The following EFR3B variants were observed in gnomAD, a reference collection of about 807,000 sequenced individuals.
EFR3B encodes the protein protein EFR3 homolog B.
In EFR3B, 64 loss-of-function variants were observed where a neutral mutation model predicts 104.7. The ratio of observed to expected loss-of-function variants is 0.61; its 90% CI spans 0.50 to 0.75. The LOEUF (loss-of-function observed/expected upper bound fraction) is 0.75. EFR3B is among the 30% of genes least tolerant of loss of function. EFR3B has a pLI of 0.00. For missense variants in EFR3B, 750 were observed against 1,078.5 expected, an observed-to-expected ratio of 0.70 and a Z score of 4.27; for synonymous variants, 385 against 417.9, an observed-to-expected ratio of 0.92 and a Z score of 0.96.
Position 25,131,847 on chromosome 2 carries a change from C to T in EFR3B, c.1083C>T (p.Leu361=), listed in dbSNP as rs1306799234. The change falls in exon 10 of 23, where the codon CTC becomes CTT. Residue 361 remains leucine (L), a synonymous_variant. Transcript: ENST00000403714. The surrounding 1 kb of genome is among the most constrained non-coding windows in gnomAD (Gnocchi z 7.6). Reference sequence around the variant, plus strand: ...GGAGCTACGACGGGGCGGTCAGCCTCGGCACCAAGATCATCAAGGAGCACG... The same window carrying T: ...GGAGCTACGACGGGGCGGTCAGCCTTGGCACCAAGATCATCAAGGAGCACG... ...LTGSYDGAVS[L]GTKIIKEHEE... is the part of the protein sequence containing the mutation. 3.9e-6 allele frequency: 6 copies of T among 1,549,278 alleles called. No individual in the cohort carries two copies. The highest frequency in any genetic ancestry group is 8.7e-7 in the Non-Finnish European group (1 of 1,146,376).
At chr2:25,128,567 C>T (rs1455812613) in intron 6 of EFR3B, among the ~76,000 whole-genome samples, 5 of 152,154 alleles carry the variant, frequency 3.3e-5, no homozygotes, top group Non-Finnish European at 5.9e-5. Context: ...AGTGTTGGTG[C>T]TGGGCTCCCT....
chr2:25,092,995 T>G lies in EFR3B; in HGVS notation c.85-8T>G. 1 of 1,543,438 alleles carries G rather than the reference T, an allele frequency of 6.5e-7. No homozygotes were observed. Among genetic ancestry groups the G allele is most frequent in the South Asian group, 1.2e-5 (1 of 84,058 alleles). On this transcript the variant is annotated splice_region_variant and splice_polypyrimidine_tract_variant and intron_variant, in intron 2 of 22. Transcript: ENST00000403714. ...GCCATAGTGAGCACAAGCTGTTTTC[T>G]CCTACAGGATGGTCTGGTGAAGACC...
In EFR3B at chr2:25,154,631, C is replaced by T. The variant is rs927992205; in HGVS notation, c.*291C>T. 10 of 350,932 alleles carry T rather than the reference C, an allele frequency of 2.8e-5. No individual in the cohort carries two copies. The highest frequency in any genetic ancestry group is 1.1e-4 in the East Asian group (2 of 18,698). The allele number at this position is 350,932 out of a possible 1,614,324, so 21.7% of individuals were successfully genotyped here. ...TCATGGGGTGTCTCTCAGGAGAAGC[C>T]GGGGGGAGGGGGCTGAGAAGCTCCT... On this transcript the variant is annotated 3_prime_UTR_variant, in exon 23 of 23. Transcript: ENST00000403714. The surrounding 1 kb of genome is among the most constrained non-coding windows in gnomAD (Gnocchi z 4.1).
At chr2:25,118,726 CAAAAAAAAAAAAAAAAAAAAAAA>C (rs869026900) in intron 4 of EFR3B, among the ~76,000 whole-genome samples, 3 of 33,542 alleles carry the variant, frequency 8.9e-5, no homozygotes, top group African/African-American at 3.9e-4. Flanking sequence ...CCTGTCTCTA[CAAAAAAAAAAAAAAAAAAAAAAA>C]AAAAAAAAAG....
At chr2:25,088,651 C>G (rs1393334297) in intron 1 of EFR3B, among the ~76,000 whole-genome samples, 1 of 152,106 alleles carries the variant, frequency 6.6e-6, no homozygotes, top group African/African-American at 2.4e-5. Flanking sequence ...TGGACTGGCT[C>G]TGGTCTTCTA....
chr2:25,088,576 G>A (rs569091948), intron 1 of EFR3B, among the ~76,000 whole-genome samples: 5 of 152,200 alleles, frequency 3.3e-5, no homozygotes, highest in South Asian at 2.1e-4. Context: ...AGAAAGGGGC[G>A]GGCAGCTTCC....
rs996527631 is a variant in EFR3B, at chr2:25,155,849, C to T, written c.*1509C>T. 5.3e-5 allele frequency: 8 copies of T among 151,962 alleles called. No individual in the cohort carries two copies. Among genetic ancestry groups the T allele is most frequent in the South Asian group, 2.1e-4 (1 of 4,818 alleles). 9.4% of individuals were successfully genotyped at this position (151,962 alleles called of 1,614,324 possible). ...GTAGATTTCTTGATCCAAAGGAATC[C>T]GTTTTTAATTTTTTTTTTTTTCTAG... is the stretch of plus-strand genomic sequence containing the variant. On this transcript the variant is annotated 3_prime_UTR_variant, in exon 23 of 23. Coordinates refer to ENST00000403714, the MANE Select transcript of EFR3B (RefSeq NM_014971.2).
chr2:25,153,633 C>T, intron 21 of EFR3B, 79 bp from the exon 22 acceptor site: 1 of 1,459,086 alleles, frequency 6.9e-7, no homozygotes, highest in South Asian at 1.2e-5. Context: ...CCAGCGTATA[C>T]TCTGGACACC....
intron 20 of EFR3B, among the ~76,000 whole-genome samples, chr2:25,149,949 G>A (rs1670954662): frequency 1.3e-5 from 2 of 152,212 alleles, no homozygotes; most frequent in African/African-American, 2.4e-5. Flanking sequence ...GGTCAGTAGT[G>A]AGGCCCTGTG....
At chr2:25,093,364 C>T (rs1669189205) in intron 3 of EFR3B, among the ~76,000 whole-genome samples, 1 of 151,966 alleles carries the variant, frequency 6.6e-6, no homozygotes, top group Admixed American at 6.6e-5. Flanking sequence ...TGTGGTGGTG[C>T]ACACCTGTAG....
In EFR3B at chr2:25,073,097, C is replaced by T. The variant is rs534610655; in HGVS notation, c.8-18228C>T. The stretch of plus-strand genomic sequence containing the variant: ...TGGAATTTGAAGCATACATTCACAA[C>T]GATAGTTATGATGACAATTCAACAC... On this transcript the variant is annotated intron_variant, in intron 1 of 22. Coordinates refer to ENST00000403714, the MANE Select transcript of EFR3B (RefSeq NM_014971.2). Among the ~76,000 whole-genome samples, 6 of 152,226 alleles carry T rather than the reference C, an allele frequency of 3.9e-5. No homozygotes were observed. In the East Asian group the frequency reaches 5.8e-4, roughly 15 times the overall value.
chr2:25,135,456 C>T lies in EFR3B; in HGVS notation c.1312-11C>T. ...CATTCCTAGGCATAGCTGTCCATAC[C>T]TCCCTTGCAGGTATCCACAGGTTTC... On this transcript the variant is annotated splice_polypyrimidine_tract_variant and intron_variant, in intron 12 of 22. Transcript: ENST00000403714. 1.3e-6 allele frequency: 2 copies of T among 1,551,600 alleles called. No individual in the cohort carries two copies. The highest frequency in any genetic ancestry group is 2.4e-5 in the South Asian group (2 of 84,044).
chr2:25,118,103 C>T lies in EFR3B; in HGVS notation c.364-3570C>T, dbSNP rs577601941. On this transcript the variant is annotated intron_variant, in intron 4 of 22. Coordinates refer to ENST00000403714, the MANE Select transcript of EFR3B (RefSeq NM_014971.2). Reference sequence around the variant, plus strand: ...CAAGCAATTCTCCTGCCTCAGCCTCCCGAGTAGCTGGGATTACAGGCGCGT... The same window carrying T: ...CAAGCAATTCTCCTGCCTCAGCCTCTCGAGTAGCTGGGATTACAGGCGCGT... Among the ~76,000 whole-genome samples the T allele has an allele frequency of 6.6e-5, 10 of 152,308 alleles. No individual in the cohort carries two copies. The South Asian group carries it at 1.7e-3, about 25-fold the overall frequency.
At chr2:25,082,273 C>A (rs1190535314) in intron 1 of EFR3B, among the ~76,000 whole-genome samples, 1 of 152,184 alleles carries the variant, frequency 6.6e-6, no homozygotes, top group East Asian at 1.9e-4. Flanking sequence ...ATTGCGGCCA[C>A]AGGCCAAGCC....
At position 25,138,178 on chromosome 2, in the gene EFR3B, T is replaced by A. The variant is rs555351894; in HGVS notation, c.1722+676T>A. Among the ~76,000 whole-genome samples the A allele has an allele frequency of 4.6e-5, 7 of 152,258 alleles. No individual in the cohort carries two copies. The East Asian group carries it at 7.7e-4, about 17-fold the overall frequency. On this transcript the variant is annotated intron_variant, in intron 15 of 22. Coordinates refer to ENST00000403714, the MANE Select transcript of EFR3B (RefSeq NM_014971.2). ...CAGAGCAAGACTCCATCTAAAAATT[T>A]AAAAAATTAAAAATTAAAAAAAGAT...
Position 25,135,538 on chromosome 2 carries a change from C to T in EFR3B, c.1383C>T (p.Ser461=). ...LPSNFLDRLL[S]TALMEDAEIR... is the part of the protein sequence containing the mutation. Reference sequence around the variant, plus strand: ...GCAACTTCCTGGACCGCCTTCTCTCCACCGCCCTCATGGAGGATGCAGAAA... The same window carrying T: ...GCAACTTCCTGGACCGCCTTCTCTCTACCGCCCTCATGGAGGATGCAGAAA... Residue 461 remains serine (S), a synonymous_variant, in exon 13 of 23, where the codon TCC becomes TCT. Coordinates refer to ENST00000403714, the MANE Select transcript of EFR3B (RefSeq NM_014971.2). 6.4e-7 allele frequency: 1 copy of T among 1,551,910 alleles called. No individual in the cohort carries two copies. Among genetic ancestry groups the T allele is most frequent in the Non-Finnish European group, 8.7e-7 (1 of 1,147,028 alleles).
chr2:25,152,489 G>T (rs889068835), intron 21 of EFR3B, among the ~76,000 whole-genome samples: 3 of 152,076 alleles, frequency 2.0e-5, no homozygotes, highest in African/African-American at 7.2e-5. Context: ...TGGGGGAGGG[G>T]TGTGTGGCAA....
At chr2:25,108,483 A>G (rs546596578) in intron 4 of EFR3B, among the ~76,000 whole-genome samples, 2 of 152,370 alleles carry the variant, frequency 1.3e-5, no homozygotes, top group African/African-American at 4.8e-5. Flanking sequence ...ATGAAGATTC[A>G]TAGATTGAAA....
chr2:25,151,878 C>A lies in EFR3B; in HGVS notation c.2192-36C>A, dbSNP rs1221728253. 7 of 1,547,764 alleles carry A rather than the reference C, an allele frequency of 4.5e-6. No individual in the cohort carries two copies. In the African/African-American group the frequency reaches 9.6e-5, roughly 21 times the overall value. ...GAGTCCCTCCCTTCACCTCAGTGAG[C>A]AGGGCCTGGCACTAACCCAGCTCTC... On this transcript the variant is annotated intron_variant, in intron 20 of 22. Transcript: ENST00000403714.
Sources: allele counts gnomAD v4.1 joint callset (sites outside exome capture counted in the v4.1 genomes callset), GRCh38; gene constraint gnomAD v4.1.1; non-coding constraint Gnocchi (gnomAD v3.1); transcripts MANE v1.5; gene names NCBI Gene and HGNC (gene_info 2026-07-23, HGNC 2026-07-21).